The following EPB41L1 variants were observed in gnomAD, a reference collection of about 807,000 sequenced individuals.
EPB41L1 encodes band 4.1-like protein 1.
EPB41L1 carries 29 observed loss-of-function variants against 97.8 expected under a neutral mutation model. The observed-to-expected ratio is 0.30, with a 90% CI of 0.22 to 0.40. The LOEUF (loss-of-function observed/expected upper bound fraction) is 0.40, where lower values mean the gene tolerates loss of function less well. EPB41L1 is among the 10% of genes least tolerant of loss of function. The pLI, the probability that EPB41L1 is intolerant of heterozygous loss-of-function variation, is 1.00. For missense variants in EPB41L1, 812 were observed against 1,162.3 expected, an observed-to-expected ratio of 0.70 and a Z score of 4.38; for synonymous variants, 383 against 459.2, an observed-to-expected ratio of 0.83 and a Z score of 2.12.
chr20:36,159,596 G>A (rs2060449348), intron 1 of EPB41L1, among the ~76,000 whole-genome samples: 1 of 152,210 alleles, frequency 6.6e-6, no homozygotes, highest in South Asian at 2.1e-4. Context: ...GTCGCAGCAT[G>A]TTGCTCAGTG....
intron 13 of EPB41L1, among the ~76,000 whole-genome samples, chr20:36,197,474 G>C (rs917205625): frequency 6.6e-6 from 1 of 152,184 alleles, no homozygotes; most frequent in Non-Finnish European, 1.5e-5. Context: ...TGCCTGCTAT[G>C]CCTTAGTTGT....
chr20:36,150,544 G>C (rs1435715822), upstream of EPB41L1: 5 of 152,190 alleles, frequency 3.3e-5, no homozygotes, highest in Non-Finnish European at 1.5e-5. Context: ...GAAGCTCAGA[G>C]TTTGGCACCA....
At chr20:36,110,739 A>T (rs1601260466) in intron 1 of EPB41L1, 2 of 152,148 alleles carry the variant, frequency 1.3e-5, no homozygotes, top group South Asian at 4.2e-4. Flanking sequence ...ACACATATCT[A>T]CTTTCTGGAT....
Position 36,229,415 on chromosome 20 carries a change from A to T in EPB41L1, c.*75A>T. 1 of 1,498,230 alleles carries T rather than the reference A, an allele frequency of 6.7e-7. No individual in the cohort carries two copies. The highest frequency in any genetic ancestry group is 9.3e-7 in the Non-Finnish European group (1 of 1,075,704). The allele number at this position is 1,498,230 out of a possible 1,614,324, so 92.8% of individuals were successfully genotyped here. A position where few individuals can be genotyped will look rare whatever the true frequency, so the allele number is the denominator to read the frequency against. On this transcript the variant is annotated 3_prime_UTR_variant, in exon 22 of 22. Transcript: ENST00000338074. ...CATTAAGAAGGGGCCTTCATTCTGG[A>T]TTCTCCGACGCAACACTGACGTCCC...
chr20:36,097,245 T>C (rs1178375740), intron 1 of EPB41L1, among the ~76,000 whole-genome samples: 1 of 152,192 alleles, frequency 6.6e-6, no homozygotes, highest in Non-Finnish European at 1.5e-5. Flanking sequence ...TTGGGATGGG[T>C]GGCACACTTA....
chr20:36,132,572 G>C (rs535242150), intron 2 of EPB41L1, among the ~76,000 whole-genome samples: 72 of 127,290 alleles, frequency 5.7e-4, no homozygotes, highest in East Asian at 1.3e-3. Flanking sequence ...GTGGGCGGGG[G>C]GGGGGGGCGC....
chr20:36,204,541 T>C (rs2062690884), intron 14 of EPB41L1, among the ~76,000 whole-genome samples: 1 of 146,506 alleles, frequency 6.8e-6, no homozygotes, highest in Admixed American at 7.0e-5. Context: ...ATAGAGTGCA[T>C]TGGTGCGATC....
At chr20:36,149,246 C>G (rs1289829060) in intron 2 of EPB41L1, among the ~76,000 whole-genome samples, 1 of 152,180 alleles carries the variant, frequency 6.6e-6, no homozygotes, top group African/African-American at 2.4e-5. Flanking sequence ...CATCCCTGCC[C>G]CAGCCCCTTT....
In EPB41L1 at chr20:36,209,360, T is replaced by C; in HGVS notation, c.1669-128T>C. 1.1e-6 allele frequency: 1 copy of C among 888,326 alleles called. No individual in the cohort carries two copies. The highest frequency in any genetic ancestry group is 3.2e-5 in the Admixed American group (1 of 31,008). 55.0% of individuals were successfully genotyped at this position (888,326 alleles called of 1,614,324 possible). ...CTTTCCTGGGGTGTTTTTCATTTCC[T>C]GGCCTGCTCTTCCATTCAGGATGTC... On this transcript the variant is annotated intron_variant, in intron 14 of 21. Coordinates refer to ENST00000338074, the MANE Select transcript of EPB41L1 (RefSeq NM_012156.2). The surrounding 1 kb of genome is among the most constrained non-coding windows in gnomAD (Gnocchi z 4.2).
chr20:36,159,443 G>T (rs1456470181), intron 1 of EPB41L1, among the ~76,000 whole-genome samples: 2 of 152,172 alleles, frequency 1.3e-5, no homozygotes, highest in African/African-American at 2.4e-5. Context: ...AAGCTCTTTT[G>T]CATCCTTGAT....
intron 2 of EPB41L1, among the ~76,000 whole-genome samples, chr20:36,140,845 C>G (rs775332477): frequency 6.6e-6 from 1 of 152,188 alleles, no homozygotes; most frequent in Non-Finnish European, 1.5e-5. Flanking sequence ...TAGCCACCCC[C>G]TCCCCTAATG....
intron 1 of EPB41L1, among the ~76,000 whole-genome samples, chr20:36,173,041 A>G (rs2145878058): frequency 6.6e-6 from 1 of 152,260 alleles, no homozygotes; most frequent in South Asian, 2.1e-4. Context: ...CTGAAAGGGG[A>G]AAATGACAAG....
At chr20:36,154,541 A>G (rs1375130155), upstream of EPB41L1, among the ~76,000 whole-genome samples, 3 of 147,252 alleles carry the variant, frequency 2.0e-5, no homozygotes, top group Non-Finnish European at 4.5e-5. The surrounding 1 kb of genome is among the most constrained non-coding windows in gnomAD (Gnocchi z 5.5). Flanking sequence ...TAGAGGAGAC[A>G]GGCAGAGAGG....
intron 17 of EPB41L1, among the ~76,000 whole-genome samples, chr20:36,216,928 G>C (rs979899360): frequency 6.6e-6 from 1 of 152,158 alleles, no homozygotes; most frequent in African/African-American, 2.4e-5. Context: ...TCGTGACACC[G>C]TTCACTAGCC....
chr20:36,210,207 G>C (rs1459138180), intron 15 of EPB41L1, among the ~76,000 whole-genome samples: 1 of 152,180 alleles, frequency 6.6e-6, no homozygotes, highest in Non-Finnish European at 1.5e-5. Flanking sequence ...CCTGCAGAGA[G>C]CATGCGTCTG....
At chr20:36,211,056 G>C (rs937869619) in intron 15 of EPB41L1, among the ~76,000 whole-genome samples, 21 of 152,010 alleles carry the variant, frequency 1.4e-4, no homozygotes, top group African/African-American at 3.6e-4. Context: ...CCGGGCGACA[G>C]AGTGAGACCT....
At chr20:36,205,777 A>C in intron 14 of EPB41L1, 1 of 1,218,826 alleles carries the variant, frequency 8.2e-7, no homozygotes, top group Non-Finnish European at 1.0e-6. Flanking sequence ...CCTCTTACAA[A>C]GGGAAAAACT....
At chr20:36,121,725 C>T (rs1452508472) in intron 2 of EPB41L1, 2 of 152,190 alleles carry the variant, frequency 1.3e-5, no homozygotes, top group Admixed American at 6.5e-5. Flanking sequence ...CGAGGGGTCT[C>T]CTGCTGGCTT....
In EPB41L1 at chr20:36,206,577, G is replaced by T. The variant is rs2062827953; in HGVS notation, c.1669-2911G>T. 1 of 1,289,682 alleles carries T rather than the reference G, an allele frequency of 7.8e-7. No homozygotes were observed. Among genetic ancestry groups the T allele is most frequent in the African/African-American group, 1.5e-5 (1 of 65,844 alleles). The allele number at this position is 1,289,682 out of a possible 1,614,324, so 79.9% of individuals were successfully genotyped here. ...CCCCTCCCGGAGGTGAGCCCAGGCCGACGCTGAATTCCTTAGACCTGAGGG... is the reference window on the plus strand; with the variant it reads ...CCCCTCCCGGAGGTGAGCCCAGGCCTACGCTGAATTCCTTAGACCTGAGGG... On this transcript the variant is annotated intron_variant, in intron 14 of 21. Coordinates refer to ENST00000338074, the MANE Select transcript of EPB41L1 (RefSeq NM_012156.2). The surrounding 1 kb of genome is among the most constrained non-coding windows in gnomAD (Gnocchi z 5.5).
Sources: gnomAD v4.1 joint callset for allele counts (sites outside exome capture counted in the v4.1 genomes callset) on GRCh38, gnomAD v4.1.1 for gene constraint, Gnocchi (gnomAD v3.1) non-coding constraint, MANE v1.5 for transcripts, NCBI Gene and HGNC (gene_info 2026-07-23, HGNC 2026-07-21) for gene names.